Variants in TONSL observed in about 807,000 individuals in gnomAD.
TONSL encodes tonsoku like, DNA repair protein, also known as tonsoku-like protein.
Under a neutral mutation model 147.1 loss-of-function variants are expected in TONSL, and 112 were observed. That is an observed-to-expected ratio of 0.76 (90% CI 0.65 to 0.89). The LOEUF (loss-of-function observed/expected upper bound fraction) is 0.89, where lower values mean the gene tolerates loss of function less well. Among genes scored for constraint, TONSL ranks in the 40% least tolerant of loss-of-function variants. The pLI is 0.00. For missense variants in TONSL, 1,883 were observed against 1,864.6 expected, an observed-to-expected ratio of 1.01 and a Z score of -0.18; for synonymous variants, 868 against 801.5, an observed-to-expected ratio of 1.08 and a Z score of -1.40.
chr8:144,442,317 A>T lies in TONSL; in HGVS notation c.674T>A (p.Leu225Ter). Residue 225 changes from leucine (L) to a stop codon, truncating the protein, a stop_gained, in exon 6 of 26, where the codon TTG becomes TAG. Transcript: ENST00000409379. LOFTEE classifies it high-confidence loss of function. The stretch of plus-strand genomic sequence containing the variant: ...GTGCGCACACTCCCGGGCACCCTCC[A>T]AGCAGCGCATAGCCTGGGAGTGCTG... ...AGQHSQAMRC[L>*]EGARECAHTM... The T allele has an allele frequency of 6.3e-7, 1 of 1,598,424 alleles. No individual in the cohort carries two copies. The highest frequency in any genetic ancestry group is 8.6e-7 in the Non-Finnish European group (1 of 1,169,524).
Position 144,440,420 on chromosome 8 carries a change from G to C in TONSL, c.1221C>G (p.Tyr407Ter). ...ALSREEAGDAYELLAPCFQKA... is the reference protein window; with the variant it reads ...ALSREEAGDA ...TCTGGAAGCACGGGGCCAGCAGCTC[G>C]TAGGCATCGCCGGCCTCCTCGCGGG... The change falls in exon 10 of 26, where the codon TAC becomes TAG. Residue 407 changes from tyrosine (Y) to a stop codon, truncating the protein, a stop_gained. Transcript: ENST00000409379. LOFTEE classifies it high-confidence loss of function. 6.2e-7 allele frequency: 1 copy of C among 1,608,436 alleles called. No individual in the cohort carries two copies.
At chr8:144,438,121 G>A (rs1341675685) in intron 13 of TONSL, 5 of 300,512 alleles carry the variant, frequency 1.7e-5, no homozygotes, top group East Asian at 6.7e-5. Context: ...GGCTGGTCTC[G>A]AACTCCTGGG....
rs2130848282 is a variant in TONSL at position 144,435,769 on chromosome 8, A to G, written c.2664T>C (p.Ser888=). The change falls in exon 17 of 26, where the codon AGT becomes AGC. Residue 888 remains serine (S), a synonymous_variant. Coordinates refer to ENST00000409379, the MANE Select transcript of TONSL (RefSeq NM_013432.5). ...TGCTGGGCCCTGCGTTAACTGGCGC[A>G]CTGCAACTCTGCATGCAGGTCAGGC... ...QVRLTCMQSC[S]APVNAGPSSL... The G allele has an allele frequency of 6.2e-7, 1 of 1,612,858 alleles. No homozygotes were observed. Among genetic ancestry groups the G allele is most frequent in the Non-Finnish European group, 8.5e-7 (1 of 1,179,906 alleles).
rs1186592531 is a variant in TONSL, at chr8:144,436,170, G to A, written c.2263C>T (p.Pro755Ser). 3 of 1,573,224 alleles carry A rather than the reference G, an allele frequency of 1.9e-6. No individual in the cohort carries two copies. The highest frequency in any genetic ancestry group is 4.6e-5 in the East Asian group (2 of 43,752). The change falls in exon 17 of 26, where the codon CCG becomes TCG. Residue 755 changes from proline to serine, a missense_variant. Coordinates refer to ENST00000409379, the MANE Select transcript of TONSL (RefSeq NM_013432.5). ...EGEDSAGPAR[P>S]SQKRPRCSAT... ...GAGCACCGAGGCCTCTTCTGGGACG[G>A]CCGTGCGGGGCCTGCGCTGTCCTCG...
At chr8:144,435,419 A>G in intron 18 of TONSL, 55 bp downstream of exon 18, 1 of 1,427,058 alleles carries the variant, frequency 7.0e-7, no homozygotes, top group South Asian at 1.4e-5. Flanking sequence ...AAACACGAGC[A>G]CCCTGGCATG....
At position 144,442,378 on chromosome 8, in the gene TONSL, G is replaced by C. The variant is rs754112199; in HGVS notation, c.613C>G (p.Arg205Gly). ...NHLYEDLFRA[R>G]YNLGTIHWRA... ...CAGTGGATGGTGCCCAGGTTGTAGC[G>C]GGCGCGGAATAGGTCCTCGTAAAGG... The change falls in exon 6 of 26, where the codon CGC becomes GGC. Residue 205 changes from arginine to glycine, a missense_variant. Arg to Gly is a moderately radical substitution (Grantham distance 125). Transcript: ENST00000409379. 11 of 1,575,584 alleles carry C rather than the reference G, an allele frequency of 7.0e-6. No individual in the cohort carries two copies. The highest frequency in any genetic ancestry group is 9.5e-6 in the Non-Finnish European group (11 of 1,157,388).
rs1331171176 is a variant in TONSL at position 144,438,568 on chromosome 8, C to A, written c.1564-8G>T. 6 of 1,612,950 alleles carry A rather than the reference C, an allele frequency of 3.7e-6. No individual in the cohort carries two copies. Among genetic ancestry groups the A allele is most frequent in the Non-Finnish European group, 5.1e-6 (6 of 1,179,884 alleles). On this transcript the variant is annotated splice_region_variant and splice_polypyrimidine_tract_variant and intron_variant, in intron 12 of 25. Transcript: ENST00000409379. ...GTCGTTTCGCCGGTTCCACTGTGGG[C>A]ACAGCCAACCCAGCACAGGGCAGGG... is the stretch of plus-strand genomic sequence containing the variant.
At position 144,430,466 on chromosome 8, in the gene TONSL, A is replaced by C; in HGVS notation, c.3881T>G (p.Leu1294Trp). ...TTGGAGGGTGGACAGGAGCTCTTCCAAGCTGGCACAGCTGATCTCAGGGTT... is the reference window on the plus strand; with the variant it reads ...TTGGAGGGTGGACAGGAGCTCTTCCCAGCTGGCACAGCTGATCTCAGGGTT... ...SANPEISCASLEELLSTLQKR... is the reference protein window; with the variant it reads ...SANPEISCASWEELLSTLQKR... Residue 1294 changes from leucine (L) to tryptophan (W), a missense_variant, in exon 25 of 26, where the codon TTG becomes TGG. Leu to Trp is a moderately conservative substitution (Grantham distance 61, BLOSUM62 -2). Transcript: ENST00000409379. 6.2e-7 allele frequency: 1 copy of C among 1,613,424 alleles called. No homozygotes were observed. Among genetic ancestry groups the C allele is most frequent in the Non-Finnish European group, 8.5e-7 (1 of 1,179,714 alleles).
intron 23 of TONSL, 99 bp downstream of exon 23, chr8:144,432,186 G>T: frequency 7.5e-7 from 1 of 1,337,540 alleles, no homozygotes; most frequent in Non-Finnish European, 1.0e-6. Context: ...CCCTCAGCGA[G>T]TTCAGCCCGA....
rs774118803 is a variant in TONSL at position 144,436,728 on chromosome 8, G to A, written c.1890+29C>T. 8 of 1,610,174 alleles carry A rather than the reference G, an allele frequency of 5.0e-6. No homozygotes were observed. The highest frequency in any genetic ancestry group is 4.5e-5 in the East Asian group (2 of 44,830). ...GGGGCACAGCAGCCCCCATAACCTC[G>A]CCCTTGCCCTCTGCCCCACCAGGCT... On this transcript the variant is annotated intron_variant, in intron 15 of 25. Transcript: ENST00000409379.
In TONSL at chr8:144,435,679, G is replaced by A; in HGVS notation, c.2754C>T (p.Ser918=). ...TPRVSEPSGD[S]SAAGQPLGPA... ...CCACCAAGGGCTGGCCTGCCGCAGA[G>A]CTGTCCCCACTGGGCTCTGAGACCC... The change falls in exon 17 of 26, where the codon AGC becomes AGT. Residue 918 remains serine (S), a synonymous_variant. Transcript: ENST00000409379. The A allele has an allele frequency of 6.2e-7, 1 of 1,607,472 alleles. No homozygotes were observed. Among genetic ancestry groups the A allele is most frequent in the African/African-American group, 1.3e-5 (1 of 74,922 alleles).
intron 23 of TONSL, among the ~76,000 whole-genome samples, chr8:144,431,998 T>C (rs1290598191): frequency 1.1e-4 from 16 of 151,878 alleles, no homozygotes; most frequent in Admixed American, 1.0e-3. Flanking sequence ...TGGGTAATTT[T>C]TGTATTTTTA....
In TONSL at chr8:144,434,224, G is replaced by A; in HGVS notation, c.3141C>T (p.Phe1047=). 8.4e-6 allele frequency: 13 copies of A among 1,552,558 alleles called. No individual in the cohort carries two copies. The highest frequency in any genetic ancestry group is 1.0e-5 in the Non-Finnish European group (12 of 1,146,818). Residue 1047 remains phenylalanine, a synonymous_variant, in exon 21 of 26, where the codon TTC becomes TTT. Coordinates refer to ENST00000409379, the MANE Select transcript of TONSL (RefSeq NM_013432.5). The part of the protein sequence containing the change: ...AVELQGLGLS[F]SACSLALDQA... The stretch of plus-strand genomic sequence containing the variant: ...GGTCCAGGGCCAGGGAGCAGGCGCT[G>A]AACGAGAGGCCCAAGCCCTGGAGCT...
At chr8:144,432,185 A>C (rs1477984351) in intron 23 of TONSL, 100 bp downstream of exon 23, 2 of 1,310,988 alleles carry the variant, frequency 1.5e-6, no homozygotes, top group African/African-American at 3.0e-5. Context: ...CCCCTCAGCG[A>C]GTTCAGCCCG....
Position 144,443,972 on chromosome 8 carries a change from C to T in TONSL, c.174G>A (p.Glu58=), listed in dbSNP as rs1823812938. ...CACAGCCCAGAGGGTCGTCAGCGCG[C>T]TCCCGAAGCTGCAGCTCCTGCCAGT... ...EQHWQELQLR[E]RADDPLGCAV... Residue 58 remains glutamate (E), a synonymous_variant, in exon 3 of 26, where the codon GAG becomes GAA. Transcript: ENST00000409379. 1 of 1,541,326 alleles carries T rather than the reference C, an allele frequency of 6.5e-7. No individual in the cohort carries two copies. Among genetic ancestry groups the T allele is most frequent in the African/African-American group, 1.4e-5 (1 of 73,174 alleles).
rs148527880 is a variant in TONSL, at chr8:144,429,873, G to A, written c.3943+531C>T. Among the ~76,000 whole-genome samples the A allele has an allele frequency of 6.5e-3, 996 of 152,298 alleles. 8 individuals carry two copies. Among genetic ancestry groups the A allele is most frequent in the Non-Finnish European group, 9.7e-3 (659 of 68,018 alleles). ...CATTCACTTAAGCCCTCATCCCCTG[G>A]AGGGCACAGCCTGCCCCGGCCCCAG... On this transcript the variant is annotated intron_variant, in intron 25 of 25. Transcript: ENST00000409379.
chr8:144,442,247 A>C lies in TONSL; in HGVS notation c.744T>G (p.Ile248Met). The C allele has an allele frequency of 6.3e-7, 1 of 1,589,024 alleles. No homozygotes were observed. The highest frequency in any genetic ancestry group is 8.6e-7 in the Non-Finnish European group (1 of 1,164,164). Residue 248 changes from isoleucine to methionine, a missense_variant, in exon 6 of 26, where the codon ATT (isoleucine) becomes ATG (methionine). Ile to Met is a conservative substitution (Grantham distance 10). Transcript: ENST00000409379. The stretch of plus-strand genomic sequence containing the variant: ...AGCCACGCACAGCGGGTACCTGTGC[A>C]ATAACCACGCAGCACTCGCTCTCCA... ...RFMESECCVV[I>M]AQVLQDLGDF... is the part of the protein sequence containing the mutation.
At chr8:144,433,882 G>T in intron 21 of TONSL, 96 bp downstream of exon 21, 1 of 1,465,558 alleles carries the variant, frequency 6.8e-7, no homozygotes, top group Non-Finnish European at 9.0e-7. Context: ...CCGGGCACTG[G>T]CTGGCTCTCC....
rs199676959 is a variant in TONSL at position 144,435,717 on chromosome 8, G to A, written c.2716C>T (p.Pro906Ser). The A allele has an allele frequency of 1.3e-4, 217 of 1,612,086 alleles. No individual in the cohort carries two copies. In the East Asian group the frequency reaches 4.7e-3, roughly 35 times the overall value. ...SSLASEPPGS[P>S]STPRVSEPSG... Reference sequence around the variant, plus strand: ...GGCTCTGAGACCCTGGGGGTGCTGGGGCTCCCTGGAGGTTCTGAAGCCAGG... The same window carrying A: ...GGCTCTGAGACCCTGGGGGTGCTGGAGCTCCCTGGAGGTTCTGAAGCCAGG... Residue 906 changes from proline (P) to serine (S), a missense_variant, in exon 17 of 26, where the codon CCC becomes TCC. By Grantham distance (74) the Pro-to-Ser change is moderately conservative (BLOSUM62 -1). Transcript: ENST00000409379.
Sources: allele counts gnomAD v4.1 joint callset (sites outside exome capture counted in the v4.1 genomes callset), GRCh38; gene constraint gnomAD v4.1.1; transcripts MANE v1.5; gene names NCBI Gene and HGNC (gene_info 2026-07-23, HGNC 2026-07-21).